MPPED1: variants seen among roughly 807,000 people sequenced by gnomAD.
MPPED1 encodes metallophosphoesterase domain containing 1, also known as metallophosphoesterase domain-containing protein 1.
Under a neutral mutation model 36.2 loss-of-function variants are expected in MPPED1, and 16 were observed. That is an observed-to-expected ratio of 0.44 (90% confidence interval 0.30 to 0.67). The LOEUF (loss-of-function observed/expected upper bound fraction) is 0.67. Ranked by LOEUF, MPPED1 falls within the 30% of genes least tolerant of loss-of-function variation. The pLI is 0.10. For missense variants in MPPED1, 307 were observed against 453.4 expected (o/e 0.68, Z 2.93); for synonymous variants, 199 against 191.3 (o/e 1.04, Z -0.33).
intron 3 of MPPED1, among the ~76,000 whole-genome samples, chr22:43,444,280 GT>G (rs1930254697): frequency 0.2 from 659 of 3,236 alleles, 3 homozygotes; most frequent in Middle Eastern, 0.5. Context: ...ACCCACTGGG[GT>G]GTGTGTGTGT....
intron 3 of MPPED1, among the ~76,000 whole-genome samples, chr22:43,468,890 G>A (rs963749962): frequency 9.9e-5 from 15 of 152,224 alleles, no homozygotes; most frequent in Middle Eastern, 3.4e-3. Context: ...GAGGGGAGGT[G>A]GATGAGAAAA....
chr22:43,496,048 G>A (rs1602017806), intron 4 of MPPED1, among the ~76,000 whole-genome samples: 1 of 77,312 alleles, frequency 1.3e-5, no homozygotes, highest in Admixed American at 1.2e-4. Flanking sequence ...TGGTGGTGGA[G>A]GTGGTGATGG....
chr22:43,440,261 G>A (rs1476355269), intron 3 of MPPED1, among the ~76,000 whole-genome samples: 1 of 152,232 alleles, frequency 6.6e-6, no homozygotes, highest in East Asian at 1.9e-4. Context: ...GTGAGCCATC[G>A]CTGTTGCCAC....
Position 43,500,181 on chromosome 22 carries a change from G to A in MPPED1, c.748+1831G>A, listed in dbSNP as rs902343351. Among the ~76,000 whole-genome samples the A allele has an allele frequency of 2.1e-3, 84 of 40,482 alleles. 6 individuals are homozygous for A. Among genetic ancestry groups the A allele is most frequent in the Admixed American group, 2.8e-3 (10 of 3,542 alleles). 26.6% of individuals were successfully genotyped at this position (40,482 alleles called of 152,430 possible). On this transcript the variant is annotated intron_variant, in intron 5 of 6. Coordinates refer to ENST00000443721, the MANE Select transcript of MPPED1 (RefSeq NM_001044370.2). The stretch of plus-strand genomic sequence containing the variant: ...GGTGGTGATGGTGATGGAGGTGGTG[G>A]TGATGGTGATGGAGGTGGTAATGGA...
At chr22:43,442,693 T>C (rs866561061) in intron 3 of MPPED1, among the ~76,000 whole-genome samples, 22 of 152,068 alleles carry the variant, frequency 1.4e-4, no homozygotes, top group African/African-American at 4.8e-4. Flanking sequence ...GCACTGGAGG[T>C]CAGGGATGTG....
chr22:43,471,874 C>G (rs1284717148), intron 3 of MPPED1, among the ~76,000 whole-genome samples: 1 of 152,182 alleles, frequency 6.6e-6, no homozygotes, highest in Non-Finnish European at 1.5e-5. Context: ...AGGGTGGGCT[C>G]TGATGTACAA....
At chr22:43,500,492 A>G (rs1932701406) in intron 5 of MPPED1, among the ~76,000 whole-genome samples, 1 of 150,840 alleles carries the variant, frequency 6.6e-6, no homozygotes, top group Admixed American at 6.6e-5. Flanking sequence ...TGCCCCTTCC[A>G]GTCCACTCGC....
intron 6 of MPPED1, among the ~76,000 whole-genome samples, chr22:43,504,246 T>C (rs559193592): frequency 5.5e-4 from 84 of 151,832 alleles, no homozygotes; most frequent in Non-Finnish European, 9.4e-4. Context: ...ATGATGGTGA[T>C]TGTGGTGATG....
intron 3 of MPPED1, among the ~76,000 whole-genome samples, chr22:43,462,851 C>T (rs1340079890): frequency 6.6e-6 from 1 of 152,146 alleles, no homozygotes; most frequent in Non-Finnish European, 1.5e-5. Context: ...TCTTGTAACC[C>T]CTGGTTCTGG....
intron 3 of MPPED1, among the ~76,000 whole-genome samples, chr22:43,461,449 G>A (rs1226233931): frequency 3.3e-5 from 5 of 152,204 alleles, no homozygotes; most frequent in African/African-American, 9.6e-5. Context: ...ATTGTTGGTT[G>A]ATTTCCAGAA....
chr22:43,469,638 G>A (rs1279438692), intron 3 of MPPED1, among the ~76,000 whole-genome samples: 1 of 152,200 alleles, frequency 6.6e-6, no homozygotes, highest in Non-Finnish European at 1.5e-5. Context: ...CTGCAAGAGA[G>A]CATGTTTAAT....
chr22:43,499,079 A>ATGGTGGAGGTGGTGG (rs1383115698), intron 5 of MPPED1, among the ~76,000 whole-genome samples: 5 of 133,546 alleles, frequency 3.7e-5, no homozygotes, highest in African/African-American at 1.1e-4. Context: ...GGAGGTGGTG[A>ATGGTGGAGGTGGTGG]TGGTGGAGGT....
chr22:43,451,988 G>T (rs1258115371), intron 3 of MPPED1, among the ~76,000 whole-genome samples: 1 of 151,822 alleles, frequency 6.6e-6, no homozygotes, highest in African/African-American at 2.4e-5. Context: ...TGTAGTTTCT[G>T]TGATCACCTC....
At chr22:43,447,214 A>G (rs1930376864) in intron 3 of MPPED1, among the ~76,000 whole-genome samples, 1 of 152,066 alleles carries the variant, frequency 6.6e-6, no homozygotes, top group Non-Finnish European at 1.5e-5. Flanking sequence ...CTTTGGGGAG[A>G]AATTGCTGGT....
chr22:43,475,452 G>T, intron 4 of MPPED1, among the ~76,000 whole-genome samples: 1 of 151,304 alleles, frequency 6.6e-6, no homozygotes, highest in Admixed American at 6.6e-5. Context: ...GATGATGATC[G>T]TAATAATGAT....
chr22:43,451,365 C>A (rs919133911), intron 3 of MPPED1, among the ~76,000 whole-genome samples: 2 of 152,140 alleles, frequency 1.3e-5, no homozygotes, highest in African/African-American at 2.4e-5. Context: ...TTTTTAAAAT[C>A]GTGCATTTAA....
chr22:43,416,199 G>A (rs1354832821), intron 1 of MPPED1, among the ~76,000 whole-genome samples: 1 of 152,204 alleles, frequency 6.6e-6, no homozygotes, highest in Non-Finnish European at 1.5e-5. Context: ...GTTGGGGGCT[G>A]GTGAGAATGG....
intron 1 of MPPED1, among the ~76,000 whole-genome samples, chr22:43,417,454 T>TA (rs1929114633): frequency 6.6e-6 from 1 of 151,748 alleles, no homozygotes; most frequent in Non-Finnish European, 1.5e-5. Context: ...CTGCTTTTTT[T>TA]TTTTTTTTTC....
In MPPED1 at chr22:43,502,268, C is replaced by G. The variant is rs1447305617; in HGVS notation, c.749-376C>G. Among the ~76,000 whole-genome samples, 2 of 152,156 alleles carry G rather than the reference C, an allele frequency of 1.3e-5. No individual in the cohort carries two copies. The highest frequency in any genetic ancestry group is 4.8e-5 in the African/African-American group (2 of 41,444). On this transcript the variant is annotated intron_variant, in intron 5 of 6. Coordinates refer to ENST00000443721, the MANE Select transcript of MPPED1 (RefSeq NM_001044370.2). This position sits in a 1 kb window ranked among gnomAD's most constrained non-coding sequence, Gnocchi z 5.5. ...CTGCCCTTGGGACTCACCCGTCCCTCTCTGGCCTCCGTTTGCTGATCTCTG... is the reference window on the plus strand; with the variant it reads ...CTGCCCTTGGGACTCACCCGTCCCTGTCTGGCCTCCGTTTGCTGATCTCTG...
Sources: gnomAD v4.1 joint callset for allele counts (sites outside exome capture counted in the v4.1 genomes callset) on GRCh38, gnomAD v4.1.1 for gene constraint, Gnocchi (gnomAD v3.1) non-coding constraint, MANE v1.5 for transcripts, NCBI Gene and HGNC (gene_info 2026-07-23, HGNC 2026-07-21) for gene names.